Variants in MSH4 observed in about 807,000 individuals in gnomAD.
MSH4 encodes mutS protein homolog 4.
In MSH4, 106 loss-of-function variants were observed where a neutral mutation model predicts 113.7. That is an observed-to-expected ratio of 0.93 (90% CI 0.80 to 1.10). MSH4 has a LOEUF of 1.10. MSH4 is among the 50% of genes least tolerant of loss of function. The pLI, the probability that MSH4 is intolerant of heterozygous loss-of-function variation, is 0.00. For missense variants in MSH4, 1,061 were observed against 1,093.7 expected (o/e 0.97, Z 0.42); for synonymous variants, 368 against 380.2 (o/e 0.97, Z 0.37).
At chr1:75,889,126 C>A in intron 15 of MSH4, 125 bp from the exon 16 acceptor site, 1 of 529,928 alleles carries the variant, frequency 1.9e-6, no homozygotes, top group Non-Finnish European at 3.4e-6. Context: ...GTCATGTCTT[C>A]TAATGCCATA....
intron 7 of MSH4, among the ~76,000 whole-genome samples, chr1:75,840,834 A>G (rs1288758064): frequency 6.6e-6 from 1 of 152,182 alleles, no homozygotes; most frequent in Non-Finnish European, 1.5e-5. Context: ...TGTTCGGGCA[A>G]CAGAACTCTA....
Position 75,893,523 on chromosome 1 carries a change from G to A in MSH4, c.2355+2699G>A, listed in dbSNP as rs374450763. ...TGCCAGTAGAAGAGACCACTTCACCGCATCTGAGGGGATTAACCTAGCATT... is the reference window on the plus strand; with the variant it reads ...TGCCAGTAGAAGAGACCACTTCACCACATCTGAGGGGATTAACCTAGCATT... On this transcript the variant is annotated intron_variant, in intron 17 of 19. Coordinates refer to ENST00000263187, the MANE Select transcript of MSH4 (RefSeq NM_002440.4). 4.6e-5 allele frequency among the ~76,000 whole-genome samples: 7 copies of A among 152,112 alleles called. No individual in the cohort carries two copies. The East Asian group carries it at 7.7e-4, about 17-fold the overall frequency.
chr1:75,904,129 G>T (rs954626170), intron 19 of MSH4, among the ~76,000 whole-genome samples: 1 of 152,036 alleles, frequency 6.6e-6, no homozygotes, highest in African/African-American at 2.4e-5. Flanking sequence ...AGATCACATG[G>T]TTTTTGTCCT....
At position 75,893,666 on chromosome 1, in the gene MSH4, T is replaced by G. The variant is rs567050058; in HGVS notation, c.2355+2842T>G. ...ATCTCTAAAGGTGAGGTACAAAATGTGACTATAAGGAGATACATTGCACTC... is the reference window on the plus strand; with the variant it reads ...ATCTCTAAAGGTGAGGTACAAAATGGGACTATAAGGAGATACATTGCACTC... On this transcript the variant is annotated intron_variant, in intron 17 of 19. Coordinates refer to ENST00000263187, the MANE Select transcript of MSH4 (RefSeq NM_002440.4). Among the ~76,000 whole-genome samples, 12 of 152,286 alleles carry G rather than the reference T, an allele frequency of 7.9e-5. No homozygotes were observed. The East Asian group carries it at 2.3e-3, about 29-fold the overall frequency.
chr1:75,806,882 A>T (rs185499616), intron 2 of MSH4, 99 bp from the exon 3 acceptor site: 49 of 1,084,110 alleles, frequency 4.5e-5, no homozygotes, highest in Non-Finnish European at 6.3e-5. Flanking sequence ...TACAGATTGC[A>T]TTATTTTGTC....
intron 8 of MSH4, among the ~76,000 whole-genome samples, chr1:75,856,337 G>A (rs1055041385): frequency 1.3e-5 from 2 of 151,742 alleles, no homozygotes; most frequent in Non-Finnish European, 2.9e-5. Flanking sequence ...TGTGCAGAAC[G>A]TGCAGTTTTG....
chr1:75,834,114 G>T (rs1412044501), intron 7 of MSH4, among the ~76,000 whole-genome samples: 1 of 152,148 alleles, frequency 6.6e-6, no homozygotes, highest in African/African-American at 2.4e-5. Flanking sequence ...CAAAAAGTGG[G>T]CAAAGGATAT....
At chr1:75,843,979 T>C (rs927306674) in intron 7 of MSH4, among the ~76,000 whole-genome samples, 1 of 152,062 alleles carries the variant, frequency 6.6e-6, no homozygotes, top group Non-Finnish European at 1.5e-5. Context: ...GCCTGGCTAA[T>C]TTTGTAGTTT....
chr1:75,895,777 G>C (rs984696741), intron 17 of MSH4, among the ~76,000 whole-genome samples: 5 of 152,142 alleles, frequency 3.3e-5, no homozygotes, highest in Non-Finnish European at 1.5e-5. Context: ...TTCTGGAAAA[G>C]GGGTTAGTGC....
intron 7 of MSH4, among the ~76,000 whole-genome samples, chr1:75,832,054 A>G (rs909781511): frequency 2.0e-5 from 3 of 152,216 alleles, no homozygotes; most frequent in African/African-American, 7.2e-5. Context: ...TTAATAAAGA[A>G]GAAAAGAGAG....
At chr1:75,900,460 C>A (rs1269635989) in intron 19 of MSH4, among the ~76,000 whole-genome samples, 4 of 146,438 alleles carry the variant, frequency 2.7e-5, no homozygotes, top group Non-Finnish European at 6.2e-5. Flanking sequence ...CACCACCACA[C>A]CCGGCTAATT....
intron 4 of MSH4, 76 bp from the exon 5 acceptor site, chr1:75,814,945 C>T (rs1650265084): frequency 1.4e-6 from 1 of 738,378 alleles, no homozygotes; most frequent in African/African-American, 1.8e-5. Context: ...ACTTACCTAG[C>T]ATGTGTTTAA....
At chr1:75,857,042 T>C (rs914806119) in intron 8 of MSH4, among the ~76,000 whole-genome samples, 11 of 152,224 alleles carry the variant, frequency 7.2e-5, no homozygotes, top group African/African-American at 2.7e-4. Flanking sequence ...TGACCAGGGA[T>C]GATAAGCATT....
chr1:75,830,886 G>A (rs548273350), intron 7 of MSH4, among the ~76,000 whole-genome samples: 2 of 152,226 alleles, frequency 1.3e-5, no homozygotes, highest in African/African-American at 2.4e-5. Flanking sequence ...ACCAACTGAC[G>A]AGCAAAATCA....
At chr1:75,885,731 G>GTATATATAGTATATATAATGTAT (rs1183013564) in intron 15 of MSH4, among the ~76,000 whole-genome samples, 3 of 87,246 alleles carry the variant, frequency 3.4e-5, no homozygotes, top group African/African-American at 1.0e-4. Context: ...ATATTATATA[G>GTATATATAGTATATATAATGTAT]TATATATAGT....
Position 75,906,829 on chromosome 1 carries a change from C to CT in MSH4, c.2620-5856dup, listed in dbSNP as rs746640168. Among the ~76,000 whole-genome samples, 1,310 of 139,712 alleles carry CT rather than the reference C, an allele frequency of 9.4e-3. 140 individuals are homozygous for CT. The East Asian group carries it at 0.23, about 25-fold the overall frequency. 91.7% of individuals were successfully genotyped at this position (139,712 alleles called of 152,430 possible). The stretch of plus-strand genomic sequence containing the variant: ...GTAGTTACTATTTTCATAAACGTGT[C>CT]TTTTTTTTTTTCTTTTTTTTTTGAG... On this transcript the variant is annotated intron_variant, in intron 19 of 19. Coordinates refer to ENST00000263187, the MANE Select transcript of MSH4 (RefSeq NM_002440.4).
At chr1:75,893,791 T>C (rs1652313419) in intron 17 of MSH4, among the ~76,000 whole-genome samples, 1 of 152,118 alleles carries the variant, frequency 6.6e-6, no homozygotes, top group Non-Finnish European at 1.5e-5. Context: ...GGAAGGAACA[T>C]AAAGTTGGAT....
chr1:75,832,114 A>C (rs1318924553), intron 7 of MSH4, among the ~76,000 whole-genome samples: 4 of 152,270 alleles, frequency 2.6e-5, no homozygotes, highest in Admixed American at 2.6e-4. Context: ...ATTACCACCA[A>C]TTCCACAGGA....
chr1:75,844,646 T>TA (rs1171532213), intron 7 of MSH4, among the ~76,000 whole-genome samples: 12 of 152,140 alleles, frequency 7.9e-5, no homozygotes, highest in South Asian at 2.1e-4. Flanking sequence ...AAAAGTTTTT[T>TA]AAAAAAATAC....
Sources: allele counts gnomAD v4.1 joint callset (sites outside exome capture counted in the v4.1 genomes callset), GRCh38; gene constraint gnomAD v4.1.1; transcripts MANE v1.5; gene names NCBI Gene and HGNC (gene_info 2026-07-23, HGNC 2026-07-21).